CDIN1: variants seen among roughly 807,000 people sequenced by gnomAD.
CDIN1 encodes CDAN1-interacting nuclease 1.
CDIN1 carries 33 observed loss-of-function variants against 45.3 expected under a neutral mutation model. The observed-to-expected ratio is 0.73, with a 90% CI of 0.55 to 0.97. The LOEUF is 0.97. Ranked by LOEUF, CDIN1 falls within the 50% of genes least tolerant of loss-of-function variation. The pLI, the probability that CDIN1 is intolerant of heterozygous loss-of-function variation, is 0.00. For missense variants in CDIN1, 303 were observed against 339.4 expected (o/e 0.89, Z 0.84); for synonymous variants, 118 against 124.4 (o/e 0.95, Z 0.34).
rs1484507860 is a variant in CDIN1 at position 36,808,452 on chromosome 15, G to C, written c.845G>C (p.Ter282SerextTer2). ...NIVTLCHSIA[*>S] ...GTCACCTTATGCCACAGCATAGCTTGACCCTGAAGATCCTGGAAGAGAAGC... is the reference window on the plus strand; with the variant it reads ...GTCACCTTATGCCACAGCATAGCTTCACCCTGAAGATCCTGGAAGAGAAGC... The change falls in exon 11 of 11, where the codon TGA (stop) becomes TCA (serine). Residue 282 changes from the stop codon to serine (S), a stop_lost. Transcript: ENST00000566621. 6.2e-7 allele frequency: 1 copy of C among 1,613,196 alleles called. No homozygotes were observed. The highest frequency in any genetic ancestry group is 1.3e-5 in the African/African-American group (1 of 74,884).
At chr15:36,580,638 G>C (rs2036999804) in intron 1 of CDIN1, among the ~76,000 whole-genome samples, 1 of 152,206 alleles carries the variant, frequency 6.6e-6, no homozygotes, top group African/African-American at 2.4e-5. Context: ...AACTTTCTAA[G>C]AAAGGACTTT....
chr15:36,614,092 G>A (rs1438960567), intron 1 of CDIN1: 13 of 834,520 alleles, frequency 1.6e-5, no homozygotes, highest in South Asian at 1.1e-4. Context: ...CTGAGAGATC[G>A]GTAGCCAAGC....
chr15:36,703,371 CAT>C lies in CDIN1; in HGVS notation c.545-5839_545-5838del, dbSNP rs1330024732. On this transcript the variant is annotated intron_variant, in intron 8 of 10. Coordinates refer to ENST00000566621, the MANE Select transcript of CDIN1 (RefSeq NM_001321759.2). ...ATATACATATATCAGATAGATCTAT[CAT>C]ATATATATATATCAGATATATATAT... 8.7e-3 allele frequency among the ~76,000 whole-genome samples: 220 copies of C among 25,218 alleles called. 26 individuals are homozygous for C. The highest frequency in any genetic ancestry group is 0.03 in the African/African-American group (131 of 4,424). 16.5% of individuals were successfully genotyped at this position (25,218 alleles called of 152,430 possible).
intron 1 of CDIN1, among the ~76,000 whole-genome samples, chr15:36,596,052 T>C (rs2037811793): frequency 6.6e-6 from 1 of 152,110 alleles, no homozygotes; most frequent in South Asian, 2.1e-4. Context: ...AATGAACTCC[T>C]TGCCTACACA....
intron 10 of CDIN1, among the ~76,000 whole-genome samples, chr15:36,800,155 G>T (rs1275128073): frequency 6.6e-6 from 1 of 152,034 alleles, no homozygotes; most frequent in Non-Finnish European, 1.5e-5. Context: ...TTTATCATAT[G>T]CTTTTACTTT....
At chr15:36,671,752 T>C (rs1028185068) in intron 5 of CDIN1, among the ~76,000 whole-genome samples, 2 of 152,168 alleles carry the variant, frequency 1.3e-5, no homozygotes, top group Non-Finnish European at 2.9e-5. Context: ...TTGTTAATGT[T>C]GATGTTTTTT....
intron 3 of CDIN1, among the ~76,000 whole-genome samples, chr15:36,645,639 A>AT (rs1213711070): frequency 6.6e-6 from 1 of 152,122 alleles, no homozygotes. Context: ...ATATATACAT[A>AT]TATCTACATA....
intron 8 of CDIN1, chr15:36,706,917 T>C (rs2042887283): frequency 6.6e-6 from 1 of 152,162 alleles, no homozygotes; most frequent in Non-Finnish European, 1.5e-5. Flanking sequence ...TGTATTTTAC[T>C]CATTCATCTT....
intron 1 of CDIN1, among the ~76,000 whole-genome samples, chr15:36,637,733 A>G (rs2039957784): frequency 6.6e-6 from 1 of 152,214 alleles, no homozygotes; most frequent in East Asian, 1.9e-4. Context: ...ATTCGATAGA[A>G]TATAAGTGAT....
intron 10 of CDIN1, among the ~76,000 whole-genome samples, chr15:36,719,375 C>T (rs983161628): frequency 8.5e-5 from 13 of 152,204 alleles, no homozygotes; most frequent in South Asian, 6.2e-4. Context: ...GCATCTATTA[C>T]GATGATCATA....
intron 1 of CDIN1, among the ~76,000 whole-genome samples, chr15:36,593,783 C>T (rs975249300): frequency 2.0e-5 from 3 of 152,046 alleles, no homozygotes; most frequent in Non-Finnish European, 4.4e-5. Context: ...CCAGGATGGT[C>T]TCGATCTCCT....
intron 5 of CDIN1, among the ~76,000 whole-genome samples, chr15:36,676,670 C>T (rs1184570281): frequency 6.6e-6 from 1 of 152,114 alleles, no homozygotes; most frequent in Admixed American, 6.6e-5. Context: ...TAGGTCTTTG[C>T]TGCCATGAAC....
At chr15:36,637,877 T>C (rs2039963154) in intron 1 of CDIN1, among the ~76,000 whole-genome samples, 1 of 152,122 alleles carries the variant, frequency 6.6e-6, no homozygotes, top group South Asian at 2.1e-4. Flanking sequence ...AAAACTAACC[T>C]GTAGAACCTA....
At chr15:36,657,475 A>G (rs2040823796) in intron 4 of CDIN1, among the ~76,000 whole-genome samples, 2 of 152,262 alleles carry the variant, frequency 1.3e-5, no homozygotes, top group East Asian at 1.9e-4. Context: ...AGACAGTTGC[A>G]TAGAAAGAAG....
At chr15:36,617,228 C>T (rs2038938145) in intron 1 of CDIN1, 3 of 877,376 alleles carry the variant, frequency 3.4e-6, no homozygotes, top group South Asian at 1.3e-5. Flanking sequence ...CATGAAACAG[C>T]AGCCACATCG....
chr15:36,800,901 G>GTATATATA (rs1566984259), intron 10 of CDIN1, among the ~76,000 whole-genome samples: 20 of 22,352 alleles, frequency 8.9e-4, no homozygotes, highest in South Asian at 6.9e-3. Flanking sequence ...GTGTGTGTGT[G>GTATATATA]TGTGTGTGTA....
At chr15:36,580,458 C>T (rs968040696) in intron 1 of CDIN1, among the ~76,000 whole-genome samples, 1 of 152,182 alleles carries the variant, frequency 6.6e-6, no homozygotes, top group Non-Finnish European at 1.5e-5. Flanking sequence ...CTCAAGGGTT[C>T]TCAATCCAAT....
chr15:36,684,442 A>G lies in CDIN1; in HGVS notation c.347-7243A>G, dbSNP rs1229613951. Among the ~76,000 whole-genome samples the G allele has an allele frequency of 3.3e-5, 5 of 151,932 alleles. No individual in the cohort carries two copies. The East Asian group carries it at 5.8e-4, about 18-fold the overall frequency. On this transcript the variant is annotated intron_variant, in intron 5 of 10. Transcript: ENST00000566621. ...GATGAAGCCCACTTGATCATGGTGG[A>G]TAAGCTTTTTGATGTGCTGCTGGAT...
At chr15:36,607,493 A>C (rs957425495) in intron 1 of CDIN1, among the ~76,000 whole-genome samples, 1 of 152,120 alleles carries the variant, frequency 6.6e-6, no homozygotes, top group Non-Finnish European at 1.5e-5. Context: ...CATATGATCT[A>C]ATATGCATTC....
Sources: gnomAD v4.1 joint callset for allele counts (sites outside exome capture counted in the v4.1 genomes callset) on GRCh38, gnomAD v4.1.1 for gene constraint, MANE v1.5 for transcripts, NCBI Gene and HGNC (gene_info 2026-07-23, HGNC 2026-07-21) for gene names.